The following PRICKLE2 variants were observed in gnomAD, a reference collection of about 807,000 sequenced individuals.
PRICKLE2 encodes the protein prickle-like protein 2.
A neutral mutation model predicts 81.4 loss-of-function variants in PRICKLE2; 21 were observed. The ratio of observed to expected loss-of-function variants is 0.26; its 90% CI spans 0.18 to 0.37. The LOEUF (loss-of-function observed/expected upper bound fraction) is 0.37, where lower values mean the gene tolerates loss of function less well. PRICKLE2 is among the 10% of genes least tolerant of loss of function. The pLI, the probability that PRICKLE2 is intolerant of heterozygous loss-of-function variation, is 1.00. For synonymous variants in PRICKLE2, 456 were observed against 421.5 expected, an observed-to-expected ratio of 1.08 and a Z score of -1.00; for missense variants, 940 against 1,109.0, an observed-to-expected ratio of 0.85 and a Z score of 2.16.
intron 2 of PRICKLE2, among the ~76,000 whole-genome samples, chr3:64,190,002 A>G (rs1311150618): frequency 6.6e-6 from 1 of 152,180 alleles, no homozygotes; most frequent in Admixed American, 6.5e-5. Context: ...CGAGCACTGC[A>G]TGGGCTCCAT....
At chr3:64,217,501 G>A (rs1442391149) in intron 1 of PRICKLE2, among the ~76,000 whole-genome samples, 3 of 152,214 alleles carry the variant, frequency 2.0e-5, no homozygotes, top group Non-Finnish European at 2.9e-5. Context: ...ATTCACATTC[G>A]TAAGAACGAA....
chr3:64,261,637 C>T (rs1005279447), intron 2 of PRICKLE2, among the ~76,000 whole-genome samples: 3 of 151,958 alleles, frequency 2.0e-5, no homozygotes, highest in African/African-American at 7.3e-5. Context: ...AGCTCCTAGC[C>T]AGGCAAAGAT....
rs375103905 is a variant in PRICKLE2, at chr3:64,121,869, A to G, written c.1661-21944T>C. Among the ~76,000 whole-genome samples, 3 of 152,212 alleles carry G rather than the reference A, an allele frequency of 2.0e-5. No individual in the cohort carries two copies. The South Asian group carries it at 6.2e-4, about 32-fold the overall frequency. On this transcript the variant is annotated intron_variant, in intron 7 of 7. Coordinates refer to ENST00000638394, the MANE Select transcript of PRICKLE2 (RefSeq NM_198859.4). Reference sequence around the variant, plus strand: ...ATGACTGGCTCGGAAAGTAGAGCACACTGCCATAAATACCAGTGAGATACT... The same window carrying G: ...ATGACTGGCTCGGAAAGTAGAGCACGCTGCCATAAATACCAGTGAGATACT...
chr3:64,221,808 T>C (rs527668869), intron 1 of PRICKLE2, among the ~76,000 whole-genome samples: 4 of 152,346 alleles, frequency 2.6e-5, no homozygotes, highest in African/African-American at 9.6e-5. Context: ...TGGGGGCTAC[T>C]AAATAAAGAG....
At chr3:64,122,888 T>A (rs543923143) in intron 7 of PRICKLE2, among the ~76,000 whole-genome samples, 15 of 152,294 alleles carry the variant, frequency 9.8e-5, no homozygotes, top group Non-Finnish European at 1.9e-4. Flanking sequence ...CCCAACAGGA[T>A]GCTAGAGACC....
intron 2 of PRICKLE2, among the ~76,000 whole-genome samples, chr3:64,239,321 C>A (rs972486382): frequency 6.6e-6 from 1 of 152,056 alleles, no homozygotes; most frequent in Non-Finnish European, 1.5e-5. Flanking sequence ...CTGTTAGGAG[C>A]GTGGCCAAAA....
chr3:64,235,900 G>C (rs1317410965), intron 2 of PRICKLE2, among the ~76,000 whole-genome samples: 1 of 152,088 alleles, frequency 6.6e-6, no homozygotes, highest in Non-Finnish European at 1.5e-5. Flanking sequence ...TACCCAGAGT[G>C]GAGTTTCCAT....
chr3:64,152,045 CA>C (rs1284902708), intron 6 of PRICKLE2, among the ~76,000 whole-genome samples: 1 of 152,204 alleles, frequency 6.6e-6, no homozygotes, highest in East Asian at 1.9e-4. Flanking sequence ...GTCTTGTCCA[CA>C]AAGCCAGGGT....
At chr3:64,193,372 T>C (rs2078383928) in intron 2 of PRICKLE2, among the ~76,000 whole-genome samples, 1 of 152,124 alleles carries the variant, frequency 6.6e-6, no homozygotes, top group South Asian at 2.1e-4. Flanking sequence ...TAGACAGTAA[T>C]TGCCCTCTCC....
At chr3:64,189,448 G>A (rs2078293352) in intron 2 of PRICKLE2, among the ~76,000 whole-genome samples, 1 of 152,142 alleles carries the variant, frequency 6.6e-6, no homozygotes, top group African/African-American at 2.4e-5. Context: ...TCCCTGAGTG[G>A]AGCAATGTGC....
intron 7 of PRICKLE2, chr3:64,102,117 T>G (rs552820883): frequency 6.6e-6 from 1 of 152,246 alleles, no homozygotes; most frequent in South Asian, 2.1e-4. Flanking sequence ...GGGACTGTAG[T>G]CTTAAGACCA....
At chr3:64,263,796 T>C (rs553954135) in intron 2 of PRICKLE2, among the ~76,000 whole-genome samples, 6 of 152,152 alleles carry the variant, frequency 3.9e-5, no homozygotes, top group Non-Finnish European at 7.3e-5. Flanking sequence ...CAATCAGCCT[T>C]ATCTTGGGTC....
chr3:64,160,511 A>T (rs971200400), intron 3 of PRICKLE2, among the ~76,000 whole-genome samples: 21 of 152,212 alleles, frequency 1.4e-4, no homozygotes, highest in African/African-American at 5.1e-4. Context: ...AATGACTCTA[A>T]GTCAGTGAGC....
chr3:64,112,248 T>C (rs1434117648), intron 7 of PRICKLE2, among the ~76,000 whole-genome samples: 2 of 152,230 alleles, frequency 1.3e-5, no homozygotes, highest in Non-Finnish European at 2.9e-5. Context: ...GACATATGCA[T>C]TTCCCACTGG....
chr3:64,129,215 A>C (rs2077163679), intron 7 of PRICKLE2, among the ~76,000 whole-genome samples: 1 of 152,238 alleles, frequency 6.6e-6, no homozygotes, highest in African/African-American at 2.4e-5. Context: ...TGAGATGCCT[A>C]GTTTAACCAC....
chr3:64,103,530 T>C (rs997906173), intron 7 of PRICKLE2: 2 of 152,216 alleles, frequency 1.3e-5, no homozygotes, highest in African/African-American at 4.8e-5. Flanking sequence ...GGAGGGGGTA[T>C]GAAGAAGGCT....
At chr3:64,128,795 T>C (rs1308004494) in intron 7 of PRICKLE2, among the ~76,000 whole-genome samples, 1 of 150,436 alleles carries the variant, frequency 6.6e-6, no homozygotes, top group East Asian at 1.9e-4. Flanking sequence ...CCATATTACA[T>C]TTTAAAAGAA....
chr3:64,161,475 C>T (rs574580210), intron 3 of PRICKLE2, among the ~76,000 whole-genome samples: 160 of 152,126 alleles, frequency 1.1e-3, no homozygotes, highest in African/African-American at 3.4e-3. Context: ...ATTGTCTTAT[C>T]TATGCAAAAA....
intron 2 of PRICKLE2, among the ~76,000 whole-genome samples, chr3:64,185,908 T>G: frequency 6.6e-6 from 1 of 152,292 alleles, no homozygotes; most frequent in South Asian, 2.1e-4. Context: ...CCCAGAACTC[T>G]TGTCAATCCT....
Sources: gnomAD v4.1 joint callset for allele counts (sites outside exome capture counted in the v4.1 genomes callset) on GRCh38, gnomAD v4.1.1 for gene constraint, MANE v1.5 for transcripts, NCBI Gene and HGNC (gene_info 2026-07-23, HGNC 2026-07-21) for gene names.